PARP8: variants seen among roughly 807,000 people sequenced by gnomAD.
PARP8 encodes poly(ADP-ribose) polymerase family member 8.
Under a neutral mutation model 124.1 loss-of-function variants are expected in PARP8, and 51 were observed. The observed-to-expected ratio is 0.41, with a 90% CI of 0.33 to 0.52. PARP8 has a LOEUF of 0.52. PARP8 is among the 20% of genes least tolerant of loss of function. The pLI, the probability that PARP8 is intolerant of heterozygous loss-of-function variation, is 0.21. For synonymous variants in PARP8, 391 were observed against 361.5 expected (o/e 1.08, Z -0.93); for missense variants, 860 against 1,018.9 (o/e 0.84, Z 2.12).
intron 14 of PARP8, among the ~76,000 whole-genome samples, chr5:50,797,924 C>T (rs1742740078): frequency 6.6e-6 from 1 of 152,084 alleles, no homozygotes; most frequent in Admixed American, 6.5e-5. Context: ...AATGGAATTT[C>T]CATTATCCCC....
chr5:50,739,943 G>T (rs1757874593), intron 2 of PARP8, among the ~76,000 whole-genome samples: 1 of 151,474 alleles, frequency 6.6e-6, no homozygotes, highest in African/African-American at 2.4e-5. Context: ...TAGAGACGGG[G>T]TTTCACCATC....
At chr5:50,700,457 G>C (rs186131083) in intron 2 of PARP8, among the ~76,000 whole-genome samples, 1 of 152,180 alleles carries the variant, frequency 6.6e-6, no homozygotes, top group Admixed American at 6.5e-5. Context: ...ATTTTTGTTT[G>C]ATCCCACTAT....
chr5:50,696,902 G>A (rs549248317), intron 2 of PARP8, among the ~76,000 whole-genome samples: 1 of 152,174 alleles, frequency 6.6e-6, no homozygotes, highest in Non-Finnish European at 1.5e-5. Context: ...AACTGTTCTT[G>A]CCTTGGGTGT....
At chr5:50,831,402 A>G (rs558530819) in intron 22 of PARP8, among the ~76,000 whole-genome samples, 2 of 152,170 alleles carry the variant, frequency 1.3e-5, no homozygotes, top group South Asian at 4.2e-4. Context: ...AGACAGCCTG[A>G]CTCATATTCA....
At chr5:50,714,115 A>G (rs1474665445) in intron 2 of PARP8, among the ~76,000 whole-genome samples, 2 of 150,078 alleles carry the variant, frequency 1.3e-5, no homozygotes, top group African/African-American at 4.9e-5. Flanking sequence ...GAATTCATCA[A>G]GCACAAAGTT....
chr5:50,722,287 G>T (rs1056166063), intron 2 of PARP8, among the ~76,000 whole-genome samples: 1 of 151,986 alleles, frequency 6.6e-6, no homozygotes, highest in Non-Finnish European at 1.5e-5. Flanking sequence ...AAATATTAAG[G>T]CATTTTATAA....
intron 2 of PARP8, among the ~76,000 whole-genome samples, chr5:50,682,878 C>T (rs1401734915): frequency 1.3e-5 from 2 of 152,110 alleles, no homozygotes; most frequent in East Asian, 1.9e-4. Context: ...GTGTGATTAA[C>T]GTTTTTTCCC....
intron 14 of PARP8, among the ~76,000 whole-genome samples, chr5:50,811,584 T>C (rs1418078295): frequency 1.3e-5 from 2 of 151,710 alleles, no homozygotes; most frequent in African/African-American, 4.9e-5. Flanking sequence ...TTCATTTTAT[T>C]TCCATTGGGT....
chr5:50,808,159 A>T (rs1744066877), intron 14 of PARP8, among the ~76,000 whole-genome samples: 1 of 151,902 alleles, frequency 6.6e-6, no homozygotes, highest in Admixed American at 6.6e-5. Flanking sequence ...AGATTTATTT[A>T]GCCACGGTTG....
intron 2 of PARP8, among the ~76,000 whole-genome samples, chr5:50,707,013 C>A (rs1180351151): frequency 1.3e-5 from 2 of 152,002 alleles, no homozygotes; most frequent in East Asian, 1.9e-4. Flanking sequence ...ACACAAAAAT[C>A]TATATAGCTG....
intron 2 of PARP8, among the ~76,000 whole-genome samples, chr5:50,724,066 C>T (rs1168025516): frequency 1.3e-5 from 2 of 152,102 alleles, no homozygotes; most frequent in East Asian, 3.9e-4. Flanking sequence ...AAGTGGTCCA[C>T]CCTACTCGGC....
chr5:50,668,975 T>C (rs1179940609), intron 2 of PARP8: 1 of 152,222 alleles, frequency 6.6e-6, no homozygotes, highest in Non-Finnish European at 1.5e-5. Context: ...CATTCCAAAA[T>C]ATATCTTAGC....
intron 14 of PARP8, among the ~76,000 whole-genome samples, chr5:50,810,122 A>C (rs1337210543): frequency 6.6e-6 from 1 of 152,014 alleles, no homozygotes; most frequent in South Asian, 2.1e-4. Context: ...ATATAAATAC[A>C]TTCCTCATGC....
In PARP8 at chr5:50,843,268, C is replaced by T. The variant is rs1358132679; in HGVS notation, c.*1200C>T. The T allele has an allele frequency of 6.6e-6, 1 of 151,488 alleles. No individual in the cohort carries two copies. The highest frequency in any genetic ancestry group is 1.9e-4 in the East Asian group (1 of 5,164). The allele number at this position is 151,488 out of a possible 1,614,324, so 9.4% of individuals were successfully genotyped here. A position where few individuals can be genotyped will look rare whatever the true frequency, so the allele number is the denominator to read the frequency against. On this transcript the variant is annotated 3_prime_UTR_variant, in exon 26 of 26. Transcript: ENST00000281631. ...TTTTAATTGACAGTGTTTATTTTCCCACATGTTGTCTTTGGAATAAGGCCA... is the reference window on the plus strand; with the variant it reads ...TTTTAATTGACAGTGTTTATTTTCCTACATGTTGTCTTTGGAATAAGGCCA...
In PARP8 at chr5:50,803,242, C is replaced by T. The variant is rs535687066; in HGVS notation, c.1575+6009C>T. 1.7e-3 allele frequency among the ~76,000 whole-genome samples: 265 copies of T among 152,230 alleles called. 1 individual carries two copies. The highest frequency in any genetic ancestry group is 6.2e-3 in the African/African-American group (256 of 41,550). On this transcript the variant is annotated intron_variant, in intron 14 of 25. Transcript: ENST00000281631. ...TTGTTATGTGATGAATTGCTTCTCT[C>T]GCTGATTTCGAGATTTCTTCTTTGT... is the stretch of plus-strand genomic sequence containing the variant.
intron 2 of PARP8, among the ~76,000 whole-genome samples, chr5:50,692,702 T>G (rs937929664): frequency 5.9e-5 from 9 of 152,120 alleles, no homozygotes; most frequent in African/African-American, 2.2e-4. Context: ...AATAATACTT[T>G]TTTTCCCTCT....
chr5:50,674,058 C>T (rs183357128), intron 2 of PARP8, among the ~76,000 whole-genome samples: 1 of 152,248 alleles, frequency 6.6e-6, no homozygotes, highest in Admixed American at 6.5e-5. Flanking sequence ...TTCCATCTTT[C>T]GTGTTCCCCA....
chr5:50,667,826 T>A, intron 1 of PARP8: 1 of 1,190,236 alleles, frequency 8.4e-7, no homozygotes, highest in South Asian at 1.3e-5. Context: ...GCCTCCCCTA[T>A]CGGGAAATTC....
Position 50,667,631 on chromosome 5 carries a change from G to C in PARP8, c.92-440G>C, listed in dbSNP as rs773053507. On this transcript the variant is annotated intron_variant, in intron 1 of 25. Transcript: ENST00000281631. Reference sequence around the variant, plus strand: ...GCTGCGCCCGGCGCCGAGGACCCCCGGGGGGCAGCGCTCGGCCCATCTCCG... The same window carrying C: ...GCTGCGCCCGGCGCCGAGGACCCCCCGGGGGCAGCGCTCGGCCCATCTCCG... 18 of 698,860 alleles carry C rather than the reference G, an allele frequency of 2.6e-5. No individual in the cohort carries two copies. In the Admixed American group the frequency reaches 3.4e-4, roughly 13 times the overall value. 43.3% of individuals were successfully genotyped at this position (698,860 alleles called of 1,614,324 possible).
Sources: allele counts gnomAD v4.1 joint callset (sites outside exome capture counted in the v4.1 genomes callset), GRCh38; gene constraint gnomAD v4.1.1; transcripts MANE v1.5; gene names NCBI Gene and HGNC (gene_info 2026-07-23, HGNC 2026-07-21).